The following RTL4 variants were observed in gnomAD, a reference collection of about 807,000 sequenced individuals.
RTL4 encodes retrotransposon Gag-like protein 4.
In RTL4, 4 loss-of-function variants were observed where a neutral mutation model predicts 5.3. The ratio of observed to expected loss-of-function variants is 0.75; its 90% CI spans 0.37 to 1.72. The LOEUF is 1.72. RTL4 is among the 40% of genes most tolerant of loss of function. The pLI is 0.04. For missense variants in RTL4, 260 were observed against 227.1 expected (o/e 1.14, Z -0.93); for synonymous variants, 98 against 87.3 (o/e 1.12, Z -0.68).
the RTL4 span, among the ~76,000 whole-genome samples, chrX:112,289,557 A>G: frequency 8.9e-6 from 1 of 112,379 alleles, no homozygotes; most frequent in African/African-American, 3.2e-5. Flanking sequence ...GGGCATGTGT[A>G]TTAACCTTTC....
the RTL4 span, among the ~76,000 whole-genome samples, chrX:112,110,647 T>C: frequency 8.9e-6 from 1 of 112,297 alleles, no homozygotes; most frequent in Non-Finnish European, 1.9e-5. Context: ...CCTCATTCAG[T>C]CCATATTAAC....
the RTL4 span, among the ~76,000 whole-genome samples, chrX:112,396,826 G>A: frequency 9.0e-6 from 1 of 111,390 alleles, no homozygotes; most frequent in Non-Finnish European, 1.9e-5. Context: ...GGCTGTGGCA[G>A]GTTCTCAGAC....
chrX:112,169,187 T>C, the RTL4 span, among the ~76,000 whole-genome samples: 1 of 107,713 alleles, frequency 9.3e-6, no homozygotes, highest in Admixed American at 1.0e-4. Flanking sequence ...CGTTCTCGGC[T>C]CACTGCAACC....
chrX:112,183,123 T>G, the RTL4 span, among the ~76,000 whole-genome samples: 1 of 112,366 alleles, frequency 8.9e-6, no homozygotes, highest in African/African-American at 3.2e-5. Flanking sequence ...TGAGATATTT[T>G]GTCACCACCA....
chrX:112,345,395 G>A, the RTL4 span, among the ~76,000 whole-genome samples: 2 of 111,018 alleles, frequency 1.8e-5, no homozygotes, highest in African/African-American at 6.6e-5. Flanking sequence ...TCCTTTCCTG[G>A]GACTGGTTGT....
chrX:112,413,245 C>T, the RTL4 span, among the ~76,000 whole-genome samples: 5,614 of 111,320 alleles, frequency 0.05, 134 homozygotes, highest in African/African-American at 0.079. Context: ...AGAACCCATG[C>T]ACCTGTTGGT....
the RTL4 span, among the ~76,000 whole-genome samples, chrX:112,264,522 A>C: frequency 8.9e-6 from 1 of 112,326 alleles, no homozygotes; most frequent in Admixed American, 9.4e-5. Context: ...TAGATGAGTT[A>C]ATTCATGGAA....
the RTL4 span, among the ~76,000 whole-genome samples, chrX:112,426,932 T>A: frequency 9.0e-6 from 1 of 110,646 alleles, no homozygotes; most frequent in South Asian, 3.7e-4. Flanking sequence ...GTTAAAAAAA[T>A]CAAATAAACA....
the RTL4 span, among the ~76,000 whole-genome samples, chrX:112,187,899 A>G: frequency 8.9e-6 from 1 of 111,870 alleles, no homozygotes; most frequent in Non-Finnish European, 1.9e-5. Flanking sequence ...AGCATTTAAT[A>G]TCAATGATCT....
chrX:112,285,411 GA>G, the RTL4 span, among the ~76,000 whole-genome samples: 40 of 111,650 alleles, frequency 3.6e-4, no homozygotes, highest in African/African-American at 1.2e-3. Flanking sequence ...TCAATAGATG[GA>G]TCCTTTTAAA....
the RTL4 span, among the ~76,000 whole-genome samples, chrX:112,100,701 A>G: frequency 8.9e-6 from 1 of 111,866 alleles, no homozygotes; most frequent in Non-Finnish European, 1.9e-5. Context: ...TCATTAATGT[A>G]TTACTTCTTG....
the RTL4 span, among the ~76,000 whole-genome samples, chrX:112,305,211 G>A: frequency 3.3e-4 from 35 of 106,017 alleles, no homozygotes; most frequent in Admixed American, 2.4e-3. Context: ...TTGCTCTGTC[G>A]CAGTGGCTCG....
chrX:112,249,253 T>G, the RTL4 span, among the ~76,000 whole-genome samples: 1 of 112,147 alleles, frequency 8.9e-6, no homozygotes, highest in Non-Finnish European at 1.9e-5. Context: ...ATTATACTGA[T>G]GTAAATTAAT....
At chrX:112,157,561 G>C in the RTL4 span, among the ~76,000 whole-genome samples, 1 of 111,591 alleles carries the variant, frequency 9.0e-6, no homozygotes, top group Non-Finnish European at 1.9e-5. Flanking sequence ...AGCTGGTCTA[G>C]TACAGTTGGG....
At chrX:112,265,353 C>T in the RTL4 span, among the ~76,000 whole-genome samples, 1 of 112,323 alleles carries the variant, frequency 8.9e-6, no homozygotes, top group African/African-American at 3.2e-5. Flanking sequence ...GGGATGATAA[C>T]TCCCAGAGCG....
chrX:112,104,643 G>C, the RTL4 span, among the ~76,000 whole-genome samples: 16,522 of 111,232 alleles, frequency 0.15, 1,784 homozygotes, highest in African/African-American at 0.38. Context: ...TTTCTCTAAT[G>C]ATTAGTGACT....
the RTL4 span, among the ~76,000 whole-genome samples, chrX:112,439,410 C>G: frequency 1.8e-5 from 2 of 111,749 alleles, no homozygotes; most frequent in Middle Eastern, 4.6e-3. Context: ...TAGAGTTTTA[C>G]TCCTTTCTCC....
the RTL4 span, among the ~76,000 whole-genome samples, chrX:112,201,465 C>T: frequency 2.3e-4 from 26 of 111,217 alleles, no homozygotes; most frequent in African/African-American, 8.2e-4. Flanking sequence ...CTTCCACTCA[C>T]CTATATCTCA....
the RTL4 span, among the ~76,000 whole-genome samples, chrX:112,238,745 C>A: frequency 2.7e-5 from 3 of 111,325 alleles, no homozygotes; most frequent in Non-Finnish European, 3.8e-5. Context: ...AGTATCCAAC[C>A]TGGAACCAAC....
Sources: allele counts gnomAD v4.1 joint callset (sites outside exome capture counted in the v4.1 genomes callset), GRCh38; gene constraint gnomAD v4.1.1; transcripts MANE v1.5; gene names NCBI Gene and HGNC (gene_info 2026-07-23, HGNC 2026-07-21).